TEX9: variants seen among roughly 807,000 people sequenced by gnomAD.
TEX9 encodes the protein testis-expressed protein 9.
A neutral mutation model predicts 59.6 loss-of-function variants in TEX9; 74 were observed. That is an observed-to-expected ratio of 1.24 (90% CI 1.03 to 1.51). The LOEUF is 1.51. Among genes scored for constraint, TEX9 ranks in the 40% most tolerant of loss-of-function variants. The probability of loss-of-function intolerance (pLI) is 0.00; values close to 1 mark genes in which losing one functional copy is unlikely to be tolerated. For synonymous variants in TEX9, 186 were observed against 152.2 expected (o/e 1.22, Z -1.64); for missense variants, 522 against 447.8 (o/e 1.17, Z -1.49).
At chr15:56,302,095 T>C (rs2045372613) in intron 1 of TEX9, among the ~76,000 whole-genome samples, 1 of 152,234 alleles carries the variant, frequency 6.6e-6, no homozygotes, top group South Asian at 2.1e-4. Context: ...AATTGTTAGT[T>C]ACTTTGTTTG....
intron 1 of TEX9, among the ~76,000 whole-genome samples, chr15:56,353,410 A>G (rs2141885242): frequency 6.6e-6 from 1 of 152,294 alleles, no homozygotes; most frequent in Admixed American, 6.5e-5. Context: ...AATTTCTGAT[A>G]TTTTTATAAA....
chr15:56,264,073 C>T (rs1221039817), intron 1 of TEX9, among the ~76,000 whole-genome samples: 1 of 152,196 alleles, frequency 6.6e-6, no homozygotes, highest in East Asian at 1.9e-4. Context: ...TAATGTGAAC[C>T]CATTTTCCTT....
chr15:56,458,405 A>G, the TEX9 span, among the ~76,000 whole-genome samples: 6 of 152,160 alleles, frequency 3.9e-5, no homozygotes, highest in African/African-American at 7.2e-5. Context: ...AGCCTCCTCC[A>G]TTAGACTGGT....
intron 10 of TEX9, among the ~76,000 whole-genome samples, chr15:56,422,975 G>T (rs2050054391): frequency 6.6e-6 from 1 of 152,132 alleles, no homozygotes; most frequent in African/African-American, 2.4e-5. Flanking sequence ...TGTAGCATGT[G>T]TCAGAATTTC....
chr15:56,383,366 C>T (rs1582756), intron 3 of TEX9, among the ~76,000 whole-genome samples: 4,771 of 152,260 alleles, frequency 0.031, 185 homozygotes, highest in East Asian at 0.093. Context: ...TGTGTTTGCT[C>T]ACCTGATTTT....
At chr15:56,453,573 A>G in the TEX9 span, among the ~76,000 whole-genome samples, 1 of 152,052 alleles carries the variant, frequency 6.6e-6, no homozygotes, top group East Asian at 1.9e-4. Context: ...TAAATGAGAT[A>G]TGAGGTACTT....
At chr15:56,259,615 A>G (rs2044219413) in intron 1 of TEX9, among the ~76,000 whole-genome samples, 1 of 152,068 alleles carries the variant, frequency 6.6e-6, no homozygotes, top group Non-Finnish European at 1.5e-5. Flanking sequence ...TATTATACTA[A>G]TACCACACTG....
At chr15:56,418,431 T>G (rs2049807570) in intron 10 of TEX9, among the ~76,000 whole-genome samples, 1 of 151,764 alleles carries the variant, frequency 6.6e-6, no homozygotes. Flanking sequence ...TCTCCTTCAC[T>G]TAGGTAGCTT....
At position 56,282,651 on chromosome 15, in the gene TEX9, G is replaced by C. The variant is rs1596064055; in HGVS notation, c.-107+38373G>C. On this transcript the variant is annotated intron_variant, in intron 1 of 5. Coordinates refer to the TEX9 transcript ENST00000560827. Reference sequence around the variant, plus strand: ...AGGAAAAATGTATATAGAAAGGTTTGTGGGAAAAAATATCCTAAGCTATTA... The same window carrying C: ...AGGAAAAATGTATATAGAAAGGTTTCTGGGAAAAAATATCCTAAGCTATTA... 3.3e-5 allele frequency among the ~76,000 whole-genome samples: 5 copies of C among 152,128 alleles called. No individual in the cohort carries two copies. In the South Asian group the frequency reaches 1.0e-3, roughly 31 times the overall value.
At chr15:56,278,846 A>G (rs1193219260) in intron 1 of TEX9, among the ~76,000 whole-genome samples, 1 of 151,614 alleles carries the variant, frequency 6.6e-6, no homozygotes, top group Non-Finnish European at 1.5e-5. Context: ...CTCTATCTGC[A>G]TCAAGTTCAG....
chr15:56,310,123 G>C (rs1256070383), intron 1 of TEX9, among the ~76,000 whole-genome samples: 1 of 152,150 alleles, frequency 6.6e-6, no homozygotes, highest in Non-Finnish European at 1.5e-5. Flanking sequence ...ACGTGGCTTT[G>C]ATCTCTTAGA....
intron 6 of TEX9, among the ~76,000 whole-genome samples, chr15:56,390,250 T>C (rs999070798): frequency 2.6e-5 from 4 of 152,008 alleles, no homozygotes; most frequent in African/African-American, 9.7e-5. Flanking sequence ...AGTTGATTTT[T>C]CAAATAGAAT....
intron 2 of TEX9, among the ~76,000 whole-genome samples, chr15:56,367,611 T>C (rs2047004943): frequency 6.6e-6 from 1 of 152,194 alleles, no homozygotes; most frequent in African/African-American, 2.4e-5. Context: ...AGCCCCCTCA[T>C]AAATCGCAAT....
the TEX9 span, among the ~76,000 whole-genome samples, chr15:56,452,262 T>C: frequency 2.0e-5 from 3 of 152,032 alleles, no homozygotes; most frequent in South Asian, 2.1e-4. Context: ...AAAAGGCACA[T>C]GGGTGAAATT....
At chr15:56,368,062 C>T (rs938037254) in intron 2 of TEX9, among the ~76,000 whole-genome samples, 4 of 152,122 alleles carry the variant, frequency 2.6e-5, no homozygotes, top group East Asian at 1.9e-4. Context: ...GGTGAGCTTC[C>T]TTGTTTATGA....
chr15:56,249,446 A>G (rs1459773296), intron 1 of TEX9, among the ~76,000 whole-genome samples: 2 of 136,034 alleles, frequency 1.5e-5, no homozygotes, highest in African/African-American at 5.3e-5. Flanking sequence ...CTGGGGAGAG[A>G]GAGAGAGGGA....
At chr15:56,247,828 C>G (rs1449663820) in intron 1 of TEX9, among the ~76,000 whole-genome samples, 2 of 152,276 alleles carry the variant, frequency 1.3e-5, no homozygotes, top group Non-Finnish European at 2.9e-5. Context: ...TCTTTCCCAA[C>G]TTGAATATAA....
At chr15:56,260,758 A>G (rs548128701) in intron 1 of TEX9, among the ~76,000 whole-genome samples, 2 of 152,106 alleles carry the variant, frequency 1.3e-5, no homozygotes, top group Non-Finnish European at 2.9e-5. Context: ...TCTAGCCTCA[A>G]AAAAATGAAT....
intron 1 of TEX9, among the ~76,000 whole-genome samples, chr15:56,298,901 A>C (rs1351721876): frequency 6.6e-6 from 1 of 152,248 alleles, no homozygotes; most frequent in South Asian, 2.1e-4. Flanking sequence ...TATTGATTAC[A>C]TGAATAAATT....
Sources: gnomAD v4.1 joint callset for allele counts (sites outside exome capture counted in the v4.1 genomes callset) on GRCh38, gnomAD v4.1.1 for gene constraint, MANE v1.5 for transcripts, NCBI Gene and HGNC (gene_info 2026-07-23, HGNC 2026-07-21) for gene names.